SLC10A6: variants seen among roughly 807,000 people sequenced by gnomAD.
SLC10A6 encodes solute carrier family 10 member 6.
A neutral mutation model predicts 30.0 loss-of-function variants in SLC10A6; 27 were observed. That is an observed-to-expected ratio of 0.90 (90% CI 0.66 to 1.24). The LOEUF is 1.24. SLC10A6 is among the 50% of genes most tolerant of loss of function. SLC10A6 has a pLI of 0.00. For missense variants in SLC10A6, 439 were observed against 457.0 expected, an observed-to-expected ratio of 0.96 and a Z score of 0.36; for synonymous variants, 166 against 173.8, an observed-to-expected ratio of 0.95 and a Z score of 0.36.
At chr4:86,848,660 G>C in intron 1 of SLC10A6, 79 bp downstream of exon 1, 2 of 1,446,016 alleles carry the variant, frequency 1.4e-6, no homozygotes, top group Non-Finnish European at 1.9e-6. Flanking sequence ...GATTAGAAGA[G>C]TGTTTAACAC....
At chr4:86,836,542 G>T in intron 1 of SLC10A6, among the ~76,000 whole-genome samples, 1 of 152,116 alleles carries the variant, frequency 6.6e-6, no homozygotes, top group Non-Finnish European at 1.5e-5. Flanking sequence ...GAGCAAGAAG[G>T]ACCTCACCAG....
chr4:86,823,802 C>T lies in SLC10A6; in HGVS notation c.1020G>A (p.Glu340=). The stretch of plus-strand genomic sequence containing the variant: ...CATTCACCTCCAAGAAGGCATTGGT[C>T]TCTCTGGAAGAAGTCGATTTCCTCG... ...CHTRKSTSSR[E]TNAFLEVNEE... The change falls in exon 6 of 6, where the codon GAG becomes GAA. Residue 340 remains glutamate, a synonymous_variant. Coordinates refer to ENST00000273905, the MANE Select transcript of SLC10A6 (RefSeq NM_197965.3). 6.2e-7 allele frequency: 1 copy of T among 1,614,214 alleles called. No individual in the cohort carries two copies. Among genetic ancestry groups the T allele is most frequent in the Non-Finnish European group, 8.5e-7 (1 of 1,180,034 alleles).
At chr4:86,837,229 A>AAGAAAGAG (rs1746202966) in intron 1 of SLC10A6, among the ~76,000 whole-genome samples, 1 of 61,328 alleles carries the variant, frequency 1.6e-5, no homozygotes, top group Admixed American at 1.9e-4. Flanking sequence ...GAGAGAGAGA[A>AAGAAAGAG]AGAAAGAAAG....
chr4:86,839,970 C>T (rs1379318755), intron 1 of SLC10A6, among the ~76,000 whole-genome samples: 1 of 150,790 alleles, frequency 6.6e-6, no homozygotes, highest in African/African-American at 2.4e-5. Context: ...GTGCAGTGGC[C>T]TGATCTTGAC....
intron 1 of SLC10A6, among the ~76,000 whole-genome samples, chr4:86,844,620 A>C (rs371139317): frequency 6.6e-6 from 1 of 152,240 alleles, no homozygotes; most frequent in East Asian, 1.9e-4. Flanking sequence ...TGCTGCTGCC[A>C]TGTAATCAGG....
chr4:86,828,273 C>A, intron 3 of SLC10A6, 105 bp from the exon 4 acceptor site: 2 of 1,233,554 alleles, frequency 1.6e-6, no homozygotes. Context: ...AATTTTAGAA[C>A]AAAGAAGGGA....
intron 1 of SLC10A6, among the ~76,000 whole-genome samples, chr4:86,834,885 G>A (rs906830206): frequency 9.9e-5 from 15 of 152,046 alleles, no homozygotes; most frequent in African/African-American, 1.4e-4. Context: ...GCCAGAGAGG[G>A]AGCAAGGGAG....
Position 86,825,552 on chromosome 4 carries a change from C to A in SLC10A6, c.787G>T (p.Gly263Ter), listed in dbSNP as rs764571090. 1 of 1,603,858 alleles carries A rather than the reference C, an allele frequency of 6.2e-7. No individual in the cohort carries two copies. Among genetic ancestry groups the A allele is most frequent in the South Asian group, 1.1e-5 (1 of 90,618 alleles). The change falls in exon 5 of 6, where the codon GGA becomes TGA. Residue 263 changes from glycine to a stop codon, truncating the protein, a stop_gained. Transcript: ENST00000273905. LOFTEE classifies it high-confidence loss of function. ...ATGCACATCTGAATATTCTGAGCTC[C>A]AGTTTCTAAGGAAATTGTCCTGCAC... is the stretch of plus-strand genomic sequence containing the variant. ...QRCRTISLET[G>*]AQNIQMCITM... is the part of the protein sequence containing the mutation.
chr4:86,823,934 C>G (rs779826370), intron 5 of SLC10A6, 32 bp from the exon 6 acceptor site: 1 of 1,552,394 alleles, frequency 6.4e-7, no homozygotes, highest in Non-Finnish European at 8.7e-7. Context: ...TATTAACAAT[C>G]ACTTTAACAA....
rs1746013391 is a variant in SLC10A6 at position 86,827,306 on chromosome 4, T to G, written c.761+687A>C. 2.0e-5 allele frequency among the ~76,000 whole-genome samples: 3 copies of G among 152,184 alleles called. 1 individual carries two copies. The highest frequency in any genetic ancestry group is 1.3e-4 in the Admixed American group (2 of 15,280). On this transcript the variant is annotated intron_variant, in intron 4 of 5. Coordinates refer to ENST00000273905, the MANE Select transcript of SLC10A6 (RefSeq NM_197965.3). ...CAATTTTCTAGCTCTATGAACTTGG[T>G]CAAGTCACTTAATTTCTCTGAAGGG...
chr4:86,837,284 AAAAAGAAAGGAAGG>A (rs1560460360), intron 1 of SLC10A6, among the ~76,000 whole-genome samples: 3 of 103,418 alleles, frequency 2.9e-5, no homozygotes, highest in South Asian at 3.2e-4. Context: ...AGAAAGAAAG[AAAAAGAAAGGAAGG>A]AAGGAAGGAA....
At chr4:86,824,371 T>C (rs1468039021) in intron 5 of SLC10A6, among the ~76,000 whole-genome samples, 1 of 152,186 alleles carries the variant, frequency 6.6e-6, no homozygotes, top group Non-Finnish European at 1.5e-5. Flanking sequence ...ATCTTATCTG[T>C]TGGGGAAATT....
At chr4:86,846,311 A>G (rs1377797116) in intron 1 of SLC10A6, among the ~76,000 whole-genome samples, 1 of 152,172 alleles carries the variant, frequency 6.6e-6, no homozygotes, top group Admixed American at 6.5e-5. Flanking sequence ...GTAAGACTCA[A>G]AATCAAAATT....
At chr4:86,842,243 G>C (rs577584920) in intron 1 of SLC10A6, among the ~76,000 whole-genome samples, 2 of 152,248 alleles carry the variant, frequency 1.3e-5, no homozygotes, top group Non-Finnish European at 2.9e-5. Flanking sequence ...GAAGGACTAA[G>C]AACTTCTTTA....
intron 4 of SLC10A6, among the ~76,000 whole-genome samples, chr4:86,826,909 A>G (rs11947598): frequency 0.16 from 23,786 of 152,178 alleles, 2,627 homozygotes; most frequent in African/African-American, 0.3. Context: ...GGAATGGGGA[A>G]GTAACAAGGG....
chr4:86,824,578 T>A (rs78571305), intron 5 of SLC10A6, among the ~76,000 whole-genome samples: 2,988 of 71,848 alleles, frequency 0.042, 90 homozygotes, highest in Admixed American at 0.15. Context: ...ACATATATAT[T>A]TTTTTTTTTC....
intron 4 of SLC10A6, among the ~76,000 whole-genome samples, chr4:86,826,152 C>T (rs1441341922): frequency 2.0e-5 from 3 of 151,984 alleles, no homozygotes; most frequent in Non-Finnish European, 2.9e-5. Flanking sequence ...GAGGCAGAAG[C>T]GGGAAGATTG....
intron 1 of SLC10A6, among the ~76,000 whole-genome samples, chr4:86,834,692 G>A (rs1432917905): frequency 6.6e-6 from 1 of 152,134 alleles, no homozygotes; most frequent in Non-Finnish European, 1.5e-5. Flanking sequence ...AAGGGGATTG[G>A]AAGTGTATTA....
intron 1 of SLC10A6, among the ~76,000 whole-genome samples, chr4:86,842,820 T>G (rs1560461813): frequency 2.0e-5 from 1 of 49,482 alleles, no homozygotes. Context: ...CTTTCTTTCT[T>G]TCTTTCTTTC....
Sources: gnomAD v4.1 joint callset for allele counts (sites outside exome capture counted in the v4.1 genomes callset) on GRCh38, gnomAD v4.1.1 for gene constraint, MANE v1.5 for transcripts, NCBI Gene and HGNC (gene_info 2026-07-23, HGNC 2026-07-21) for gene names.